Variants in LRPAP1 observed in about 807,000 individuals in gnomAD.
LRPAP1 encodes the protein alpha-2-macroglobulin receptor-associated protein.
In LRPAP1, 41 loss-of-function variants were observed where a neutral mutation model predicts 39.9. The ratio of observed to expected loss-of-function variants is 1.03; its 90% CI spans 0.80 to 1.33. The LOEUF (loss-of-function observed/expected upper bound fraction) is 1.33. LRPAP1 is among the 40% of genes most tolerant of loss of function. The pLI, the probability that LRPAP1 is intolerant of heterozygous loss-of-function variation, is 0.00. For missense variants in LRPAP1, 565 were observed against 482.3 expected, an observed-to-expected ratio of 1.17 and a Z score of -1.61; for synonymous variants, 263 against 212.7, an observed-to-expected ratio of 1.24 and a Z score of -2.06.
In LRPAP1 at chr4:3,525,288, T is replaced by A. The variant is rs528126546; in HGVS notation, c.205-237A>T. On this transcript the variant is annotated intron_variant, in intron 1 of 7. Coordinates refer to ENST00000650182, the MANE Select transcript of LRPAP1 (RefSeq NM_002337.4). ...CGGAAACCCCAAGTCCATCGGGGGC[T>A]CCCCACCAGCAGCGGCTGCTCATTC... 34 of 530,864 alleles carry A rather than the reference T, an allele frequency of 6.4e-5. 2 individuals are homozygous for A. In the East Asian group the frequency reaches 7.7e-4, roughly 12 times the overall value. 32.9% of individuals were successfully genotyped at this position (530,864 alleles called of 1,614,324 possible).
chr4:3,525,524 T>A (rs749866328), intron 1 of LRPAP1, among the ~76,000 whole-genome samples: 1 of 152,110 alleles, frequency 6.6e-6, no homozygotes, highest in Non-Finnish European at 1.5e-5. Flanking sequence ...AGTCACCACC[T>A]CTCAAGTGTA....
chr4:3,529,683 A>G (rs971428211), intron 1 of LRPAP1, among the ~76,000 whole-genome samples: 1 of 151,494 alleles, frequency 6.6e-6, no homozygotes, highest in Non-Finnish European at 1.5e-5. Flanking sequence ...ATGAAGCAGC[A>G]CCCCCCTGGC....
rs1357421527 is a variant in LRPAP1, at chr4:3,510,896, AC to A, written c.*2077del. The A allele has an allele frequency of 1.3e-5, 2 of 152,134 alleles. No individual in the cohort carries two copies. Among genetic ancestry groups the A allele is most frequent in the Non-Finnish European group, 2.9e-5 (2 of 68,030 alleles). 9.4% of individuals were successfully genotyped at this position (152,134 alleles called of 1,614,324 possible). ...CTGGCTCTGCGGAGTGGAGGGCATC[AC>A]CTACATCCTTCGTGAGTGCGCACCA... is the stretch of plus-strand genomic sequence containing the variant. On this transcript the variant is annotated 3_prime_UTR_variant, in exon 8 of 8. Transcript: ENST00000650182.
At chr4:3,525,381 G>C (rs538262943) in intron 1 of LRPAP1, among the ~76,000 whole-genome samples, 4 of 152,264 alleles carry the variant, frequency 2.6e-5, no homozygotes, top group African/African-American at 9.6e-5. Context: ...CGGATAAACA[G>C]AGCAGGAAGA....
Position 3,512,920 on chromosome 4 carries a change from G to A in LRPAP1, c.*54C>T, listed in dbSNP as rs1729574586. ...GTCCACGGAAATGCCACGGCCAAGA[G>A]CCCAGGTCCTTCACGCTGGCCTCTT... is the stretch of plus-strand genomic sequence containing the variant. On this transcript the variant is annotated 3_prime_UTR_variant, in exon 8 of 8. Coordinates refer to ENST00000650182, the MANE Select transcript of LRPAP1 (RefSeq NM_002337.4). The A allele has an allele frequency of 2.0e-6, 3 of 1,534,408 alleles. No individual in the cohort carries two copies. The highest frequency in any genetic ancestry group is 1.9e-5 in the Admixed American group (1 of 52,958).
In LRPAP1 at chr4:3,513,003, T is replaced by C; in HGVS notation, c.1045A>G (p.Ile349Val). Residue 349 changes from isoleucine (I) to valine (V), a missense_variant, in exon 8 of 8, where the codon ATC (isoleucine) becomes GTC (valine). By Grantham distance (29) the Ile-to-Val change is conservative. Coordinates refer to ENST00000650182, the MANE Select transcript of LRPAP1 (RefSeq NM_002337.4). ...AGTTCGTTGTGCCGAGCTCTGGAGA[T>C]CCTGCCGGACAGGTCCTGCAGATGC... ...KKHLQDLSGR[I>V]SRARHNEL is the part of the protein sequence containing the mutation. The C allele has an allele frequency of 6.2e-7, 1 of 1,612,868 alleles. No individual in the cohort carries two copies. The highest frequency in any genetic ancestry group is 8.5e-7 in the Non-Finnish European group (1 of 1,179,534).
rs2858028 is a variant in LRPAP1 at position 3,505,521 on chromosome 4, C to G, written c.*7453G>C. Among the ~76,000 whole-genome samples the G allele has an allele frequency of 0.71, 108,542 of 152,172 alleles. 39,097 individuals are homozygous for G. Among genetic ancestry groups the G allele is most frequent in the East Asian group, 0.93 (4,808 of 5,172 alleles). ...TGGCAGGGGCCTCCTGCGGCCGGAA[C>G]GTCCCCTGCATCCCCAACCACACCT... On this transcript the variant is annotated 3_prime_UTR_variant, in exon 8 of 8. Transcript: ENST00000650182.
chr4:3,517,187 C>T (rs1729740015), intron 5 of LRPAP1, among the ~76,000 whole-genome samples: 1 of 152,242 alleles, frequency 6.6e-6, no homozygotes, highest in Admixed American at 6.5e-5. Context: ...GGGTCTTGCC[C>T]AAGGGCACTC....
At chr4:3,519,714 C>G (rs1237479929) in intron 3 of LRPAP1, among the ~76,000 whole-genome samples, 1 of 152,228 alleles carries the variant, frequency 6.6e-6, no homozygotes, top group African/African-American at 2.4e-5. Context: ...TTTCTAATCA[C>G]AGAGGCACGT....
Position 3,505,720 on chromosome 4 carries a change from G to GCCAAGACCGTCTATACCAGCTACC in LRPAP1, c.*7230_*7253dup, listed in dbSNP as rs1729334801. Among the ~76,000 whole-genome samples the GCCAAGACCGTCTATACCAGCTACC allele has an allele frequency of 6.7e-6, 1 of 149,586 alleles. No individual in the cohort carries two copies. Among genetic ancestry groups the GCCAAGACCGTCTATACCAGCTACC allele is most frequent in the Non-Finnish European group, 1.5e-5 (1 of 67,514 alleles). On this transcript the variant is annotated 3_prime_UTR_variant, in exon 8 of 8. Coordinates refer to ENST00000650182, the MANE Select transcript of LRPAP1 (RefSeq NM_002337.4). Reference sequence around the variant, plus strand: ...CCCCAAGACCGTCTATACCAGCTACGCCAAGACCGTCTATACCAGCTACCC... The same window carrying GCCAAGACCGTCTATACCAGCTACC: ...CCCCAAGACCGTCTATACCAGCTACGCCAAGACCGTCTATACCAGCTACCCCAAGACCGTCTATACCAGCTACCC...
intron 2 of LRPAP1, among the ~76,000 whole-genome samples, chr4:3,520,420 G>A (rs939872356): frequency 2.6e-5 from 4 of 152,192 alleles, no homozygotes; most frequent in Admixed American, 6.5e-5. Context: ...GGCGACTCAC[G>A]GGACACCCCC....
intron 4 of LRPAP1, among the ~76,000 whole-genome samples, chr4:3,518,633 T>A (rs767289291): frequency 1.3e-5 from 2 of 151,988 alleles, no homozygotes; most frequent in Non-Finnish European, 2.9e-5. Context: ...CAGGCGCCGG[T>A]GAGACTTGGT....
At chr4:3,521,198 G>C (rs923848257) in intron 2 of LRPAP1, among the ~76,000 whole-genome samples, 1 of 152,196 alleles carries the variant, frequency 6.6e-6, no homozygotes, top group Admixed American at 6.5e-5. Context: ...GGGGCTGGGG[G>C]AATTCTCCCA....
chr4:3,503,746 G>C lies in LRPAP1; in HGVS notation c.*9228C>G, dbSNP rs1285523112. The C allele has an allele frequency of 6.6e-6, 1 of 152,286 alleles. No individual in the cohort carries two copies. The allele number at this position is 152,286 out of a possible 1,614,324, so 9.4% of individuals were successfully genotyped here. On this transcript the variant is annotated 3_prime_UTR_variant, in exon 8 of 8. Transcript: ENST00000650182. ...GCGCTTGTTTCACAAAACAACAGCA[G>C]ACAACAGAGATTTCCAACTCCAGCA...
chr4:3,523,042 G>A (rs16844539), intron 2 of LRPAP1, among the ~76,000 whole-genome samples: 184 of 152,274 alleles, frequency 1.2e-3, no homozygotes, highest in African/African-American at 4.4e-3. Flanking sequence ...CTTCTGGGAC[G>A]CCGGCTCCTA....
In LRPAP1 at chr4:3,523,091, G is replaced by A. The variant is rs559606548; in HGVS notation, c.349+1816C>T. On this transcript the variant is annotated intron_variant, in intron 2 of 7. Coordinates refer to ENST00000650182, the MANE Select transcript of LRPAP1 (RefSeq NM_002337.4). ...TTTTCTGCCAGGTCACTAGGCAATG[G>A]CAGAAAACAAGACAGCTCCACTTGG... Among the ~76,000 whole-genome samples, 8 of 152,266 alleles carry A rather than the reference G, an allele frequency of 5.3e-5. No homozygotes were observed. In the South Asian group the frequency reaches 6.2e-4, roughly 12 times the overall value.
In LRPAP1 at chr4:3,508,841, A is replaced by G. The variant is rs1008182425; in HGVS notation, c.*4133T>C. On this transcript the variant is annotated 3_prime_UTR_variant, in exon 8 of 8. Transcript: ENST00000650182. The stretch of plus-strand genomic sequence containing the variant: ...CACTGAGCCGGGAGAGACTGAGCCC[A>G]TGTTCACCGAGACTGGGAATAAGAT... The G allele has an allele frequency of 6.6e-6, 1 of 152,128 alleles. No homozygotes were observed. Among genetic ancestry groups the G allele is most frequent in the African/African-American group, 2.4e-5 (1 of 41,414 alleles). The allele number at this position is 152,128 out of a possible 1,614,324, so 9.4% of individuals were successfully genotyped here.
At chr4:3,520,472 C>A (rs1218859854) in intron 2 of LRPAP1, among the ~76,000 whole-genome samples, 1 of 152,226 alleles carries the variant, frequency 6.6e-6, no homozygotes, top group African/African-American at 2.4e-5. Flanking sequence ...CGGCTGGAGT[C>A]CTCCATCAAG....
At position 3,520,331 on chromosome 4, in the gene LRPAP1, T is replaced by A. The variant is rs921700051; in HGVS notation, c.350-138A>T. ...AGTTTCCTTTCACCTGTTTCCTGGA[T>A]GACCACTGGAGATCTGGGGAGAACA... On this transcript the variant is annotated intron_variant, in intron 2 of 7. Coordinates refer to ENST00000650182, the MANE Select transcript of LRPAP1 (RefSeq NM_002337.4). The A allele has an allele frequency of 4.8e-6, 4 of 841,306 alleles. No homozygotes were observed. In the Admixed American group the frequency reaches 1.0e-4, roughly 21 times the overall value. The allele number at this position is 841,306 out of a possible 1,614,324, so 52.1% of individuals were successfully genotyped here.
Sources: allele counts gnomAD v4.1 joint callset (sites outside exome capture counted in the v4.1 genomes callset), GRCh38; gene constraint gnomAD v4.1.1; transcripts MANE v1.5; gene names NCBI Gene and HGNC (gene_info 2026-07-23, HGNC 2026-07-21).